The following CLDN14 variants were observed in gnomAD, a reference collection of about 807,000 sequenced individuals.
The protein encoded by CLDN14 is claudin-14.
A neutral mutation model predicts 2.1 loss-of-function variants in CLDN14; 2 were observed. The observed-to-expected ratio is 0.96, with a 90% CI of 0.39 to 3.01. The LOEUF is 3.01. Ranked by LOEUF, CLDN14 falls within the 30% of genes most tolerant of loss-of-function variation. The probability of loss-of-function intolerance (pLI) is 0.09; values close to 1 mark genes in which losing one functional copy is unlikely to be tolerated. For missense variants in CLDN14, 298 were observed against 328.0 expected (o/e 0.91, Z 0.71); for synonymous variants, 136 against 154.4 (o/e 0.88, Z 0.88).
intron 1 of CLDN14, among the ~76,000 whole-genome samples, chr21:36,540,456 A>G (rs2087479456): frequency 6.6e-6 from 1 of 152,202 alleles, no homozygotes; most frequent in African/African-American, 2.4e-5. Context: ...ACATAGGAAC[A>G]TATCTAATTA....
At chr21:36,472,952 G>A (rs892743661) in intron 1 of CLDN14, among the ~76,000 whole-genome samples, 3 of 152,176 alleles carry the variant, frequency 2.0e-5, no homozygotes, top group Non-Finnish European at 4.4e-5. Context: ...GAATGCAAAT[G>A]TTTAGTCCAT....
At chr21:36,494,463 C>A (rs964407984) in intron 2 of CLDN14, among the ~76,000 whole-genome samples, 38 of 152,304 alleles carry the variant, frequency 2.5e-4, no homozygotes, top group African/African-American at 7.7e-4. Flanking sequence ...TGAACTGTTA[C>A]TGCCTTGGCA....
At chr21:36,515,904 A>C (rs1303624113) in intron 1 of CLDN14, among the ~76,000 whole-genome samples, 2 of 147,890 alleles carry the variant, frequency 1.4e-5, no homozygotes, top group African/African-American at 5.0e-5. Flanking sequence ...CTCCTGTCTC[A>C]GCCTTCTGAG....
At chr21:36,491,547 CTG>C (rs959413045) in intron 2 of CLDN14, among the ~76,000 whole-genome samples, 25 of 152,280 alleles carry the variant, frequency 1.6e-4, no homozygotes, top group Non-Finnish European at 1.2e-4. Flanking sequence ...GCTGAGAAGA[CTG>C]TATTTGCTAC....
chr21:36,570,658 A>C (rs2087703187), intron 1 of CLDN14, among the ~76,000 whole-genome samples: 1 of 152,224 alleles, frequency 6.6e-6, no homozygotes, highest in Non-Finnish European at 1.5e-5. Flanking sequence ...AAAACAAACA[A>C]TAGATTGGCA....
intron 1 of CLDN14, among the ~76,000 whole-genome samples, chr21:36,533,941 G>A (rs570555610): frequency 2.0e-5 from 3 of 152,210 alleles, no homozygotes; most frequent in African/African-American, 7.2e-5. Context: ...AAACCTCCAC[G>A]GCACAAGTTT....
chr21:36,565,559 G>A (rs996377522), intron 1 of CLDN14, among the ~76,000 whole-genome samples: 6 of 152,132 alleles, frequency 3.9e-5, no homozygotes, highest in African/African-American at 7.2e-5. Flanking sequence ...TTTCCATCAT[G>A]GCAAATGTCA....
chr21:36,465,412 A>C (rs2086632969), intron 1 of CLDN14, among the ~76,000 whole-genome samples: 1 of 152,214 alleles, frequency 6.6e-6, no homozygotes, highest in Non-Finnish European at 1.5e-5. Flanking sequence ...GTGTGCTATA[A>C]GGATTTGCTA....
intron 1 of CLDN14, among the ~76,000 whole-genome samples, chr21:36,523,844 T>A (rs73902567): frequency 0.014 from 1,979 of 144,260 alleles, 76 homozygotes; most frequent in African/African-American, 0.05. Flanking sequence ...AGAAAGAAAG[T>A]GGATTCGGCA....
intron 1 of CLDN14, among the ~76,000 whole-genome samples, chr21:36,521,828 A>G (rs2087273385): frequency 6.6e-6 from 1 of 152,200 alleles, no homozygotes; most frequent in South Asian, 2.1e-4. Flanking sequence ...GAATGCATCT[A>G]TCCTTCCTGT....
intron 2 of CLDN14, chr21:36,486,960 C>A: frequency 4.3e-6 from 2 of 469,576 alleles, no homozygotes; most frequent in Non-Finnish European, 8.1e-6. Flanking sequence ...CCATGTTGTT[C>A]TCAGGGTTGC....
intron 2 of CLDN14, chr21:36,487,403 C>A: frequency 5.9e-6 from 1 of 168,676 alleles, no homozygotes; most frequent in South Asian, 1.6e-4. Context: ...TAGCGCTTTC[C>A]AACACCATCC....
chr21:36,525,380 A>C (rs1297674381), intron 1 of CLDN14, among the ~76,000 whole-genome samples: 1 of 108,478 alleles, frequency 9.2e-6, no homozygotes, highest in Admixed American at 9.1e-5. Context: ...GTTTCAAGTC[A>C]AAGCTAAATG....
intron 2 of CLDN14, among the ~76,000 whole-genome samples, chr21:36,491,761 G>C (rs561878828): frequency 3.2e-4 from 48 of 152,296 alleles, no homozygotes; most frequent in Non-Finnish European, 5.6e-4. Context: ...TGAAGGTCAT[G>C]TGTGAGGCTG....
At chr21:36,494,970 T>C (rs1392069271) in intron 2 of CLDN14, among the ~76,000 whole-genome samples, 20 of 152,114 alleles carry the variant, frequency 1.3e-4, no homozygotes, top group Admixed American at 1.2e-3. Context: ...GTTCCCAAAC[T>C]TCCCTCAGAT....
chr21:36,530,628 A>G (rs2087372268), intron 1 of CLDN14, among the ~76,000 whole-genome samples: 1 of 152,242 alleles, frequency 6.6e-6, no homozygotes, highest in African/African-American at 2.4e-5. Flanking sequence ...GCCACAACAG[A>G]TACAAGCATA....
chr21:36,486,774 A>G (rs2086902104), intron 2 of CLDN14: 1 of 814,852 alleles, frequency 1.2e-6, no homozygotes, highest in East Asian at 2.5e-5. Flanking sequence ...AGGCAATGAT[A>G]TGCGTCTTGT....
chr21:36,540,366 ATTG>A (rs1208705451), intron 1 of CLDN14, among the ~76,000 whole-genome samples: 1 of 151,942 alleles, frequency 6.6e-6, no homozygotes, highest in Non-Finnish European at 1.5e-5. Flanking sequence ...ATTGTTTTTT[ATTG>A]TTGTGTTATT....
intron 1 of CLDN14, among the ~76,000 whole-genome samples, chr21:36,558,781 G>A (rs2087615106): frequency 6.7e-6 from 1 of 149,972 alleles, no homozygotes; most frequent in Admixed American, 6.6e-5. Flanking sequence ...TTGTGGAATT[G>A]TGAGGGTTTT....
Sources: gnomAD v4.1 joint callset for allele counts (sites outside exome capture counted in the v4.1 genomes callset) on GRCh38, gnomAD v4.1.1 for gene constraint, MANE v1.5 for transcripts, NCBI Gene and HGNC (gene_info 2026-07-23, HGNC 2026-07-21) for gene names.